The following CUBN variants were observed in gnomAD, a reference collection of about 807,000 sequenced individuals.
CUBN encodes the protein 460 kDa receptor.
A neutral mutation model predicts 405.3 loss-of-function variants in CUBN; 282 were observed. That is an observed-to-expected ratio of 0.70 (90% CI 0.63 to 0.77). The LOEUF is 0.77. Ranked by LOEUF, CUBN falls within the 30% of genes least tolerant of loss-of-function variation. The pLI, the probability that CUBN is intolerant of heterozygous loss-of-function variation, is 0.00. For synonymous variants in CUBN, 1,684 were observed against 1,617.0 expected, an observed-to-expected ratio of 1.04 and a Z score of -0.99; for missense variants, 4,514 against 4,475.2, an observed-to-expected ratio of 1.01 and a Z score of -0.25.
intron 50 of CUBN, among the ~76,000 whole-genome samples, chr10:16,905,640 A>G (rs889416189): frequency 6.6e-6 from 1 of 152,178 alleles, no homozygotes; most frequent in Non-Finnish European, 1.5e-5. Flanking sequence ...CGGGAAACGA[A>G]GTGACTGTAA....
chr10:16,947,142 C>T (rs910405479), intron 36 of CUBN, 93 bp downstream of exon 36: 33 of 1,326,204 alleles, frequency 2.5e-5, no homozygotes, highest in Middle Eastern at 4.0e-4. Flanking sequence ...CTAAATTTCA[C>T]GTACACTATG....
chr10:16,898,566 C>T (rs1265225890), intron 54 of CUBN, among the ~76,000 whole-genome samples: 1 of 152,156 alleles, frequency 6.6e-6, no homozygotes, highest in African/African-American at 2.4e-5. Flanking sequence ...AAGTGACAAG[C>T]CACTGCCACA....
intron 28 of CUBN, among the ~76,000 whole-genome samples, chr10:17,002,337 G>A (rs1277339304): frequency 2.0e-5 from 3 of 152,144 alleles, no homozygotes; most frequent in African/African-American, 4.8e-5. Context: ...ATTGTTGCCA[G>A]GGAACCAGAA....
At position 16,940,046 on chromosome 10, in the gene CUBN, GC is replaced by G. The variant is rs1842610032; in HGVS notation, c.5533del (p.Ala1845ProfsTer4). On this transcript the variant is annotated frameshift_variant, in exon 37 of 67. Transcript: ENST00000377833. LOFTEE classifies it high-confidence loss of function. The part of the protein sequence containing the change: ...DGSGSGTGFQ[A>X]TFMKIFGNDN... ...AAACAACTTACTCTTCATAAATGTGGCCTGGAAGCCCGTGCCGCTGCCAGAA... is the reference window on the plus strand; with the variant it reads ...AAACAACTTACTCTTCATAAATGTGGCTGGAAGCCCGTGCCGCTGCCAGAA... The G allele has an allele frequency of 6.2e-7, 1 of 1,613,436 alleles. No homozygotes were observed. The highest frequency in any genetic ancestry group is 1.3e-5 in the African/African-American group (1 of 74,896).
intron 58 of CUBN, among the ~76,000 whole-genome samples, chr10:16,871,213 TA>T (rs899284824): frequency 6.6e-6 from 1 of 151,522 alleles, no homozygotes; most frequent in Non-Finnish European, 1.5e-5. Context: ...ATTACATGTA[TA>T]TTTTTTAGTA....
At chr10:17,045,643 C>T (rs1835115909) in intron 24 of CUBN, among the ~76,000 whole-genome samples, 1 of 152,054 alleles carries the variant, frequency 6.6e-6, no homozygotes, top group South Asian at 2.1e-4. Flanking sequence ...CCTCGGCCTC[C>T]CAAAGTGTTT....
At chr10:17,085,203 C>A (rs1018597968) in intron 16 of CUBN, among the ~76,000 whole-genome samples, 1 of 152,160 alleles carries the variant, frequency 6.6e-6, no homozygotes, top group African/African-American at 2.4e-5. Context: ...CACTGTGATG[C>A]TGGAAGCCAG....
intron 29 of CUBN, among the ~76,000 whole-genome samples, chr10:16,984,756 A>C (rs1366493577): frequency 6.6e-6 from 1 of 152,242 alleles, no homozygotes; most frequent in Non-Finnish European, 1.5e-5. Flanking sequence ...AGTTGAGTTC[A>C]CTGAAGGCTA....
At chr10:16,940,001 G>A in intron 37 of CUBN, 31 bp downstream of exon 37, 1 of 1,525,168 alleles carries the variant, frequency 6.6e-7, no homozygotes, top group Non-Finnish European at 9.1e-7. Flanking sequence ...GACATATTCT[G>A]GAAGCTATCA....
chr10:16,932,568 A>T (rs1356794484), intron 40 of CUBN, among the ~76,000 whole-genome samples: 1 of 152,216 alleles, frequency 6.6e-6, no homozygotes, highest in Non-Finnish European at 1.5e-5. Flanking sequence ...ACAAAGAGAA[A>T]TGAATACATT....
Position 16,851,394 on chromosome 10 carries a change from A to G in CUBN, c.9504T>C (p.Phe3168=), listed in dbSNP as rs1033437435. ...GGYLTGSNNT[F]ASPDSDSNGM... Reference sequence around the variant, plus strand: ...CATTCGAATCAGAATCAGGAGAGGCAAAGGTATTATTCGAGCCTGTCAGAT... The same window carrying G: ...CATTCGAATCAGAATCAGGAGAGGCGAAGGTATTATTCGAGCCTGTCAGAT... Residue 3168 remains phenylalanine, a synonymous_variant, in exon 60 of 67, where the codon TTT becomes TTC. Transcript: ENST00000377833. The G allele has an allele frequency of 1.2e-6, 2 of 1,614,142 alleles. No individual in the cohort carries two copies. The highest frequency in any genetic ancestry group is 4.5e-5 in the East Asian group (2 of 44,884).
At position 17,044,902 on chromosome 10, in the gene CUBN, C is replaced by T. The variant is rs764388770; in HGVS notation, c.3672+105G>A. 173 of 1,142,582 alleles carry T rather than the reference C, an allele frequency of 1.5e-4. 1 individual carries two copies. The highest frequency in any genetic ancestry group is 7.9e-4 in the Middle Eastern group (4 of 5,072). The allele number at this position is 1,142,582 out of a possible 1,614,324, so 70.8% of individuals were successfully genotyped here. On this transcript the variant is annotated intron_variant, in intron 25 of 66. Transcript: ENST00000377833. ...TTGTTTGAATTTTTATATGGATGTT[C>T]GGTTTAGATGCTCCCCTTTCCTGAA...
At chr10:16,924,590 A>C (rs1291637304) in intron 43 of CUBN, among the ~76,000 whole-genome samples, 1 of 152,140 alleles carries the variant, frequency 6.6e-6, no homozygotes, top group East Asian at 1.9e-4. Context: ...GGACAAAGGA[A>C]AAATTTATTA....
chr10:17,128,363 T>TCCATA (rs1837247026), intron 2 of CUBN, among the ~76,000 whole-genome samples: 1 of 152,186 alleles, frequency 6.6e-6, no homozygotes, highest in Non-Finnish European at 1.5e-5. Context: ...TGAGATAACA[T>TCCATA]CCATACGGTG....
intron 17 of CUBN, among the ~76,000 whole-genome samples, chr10:17,078,799 T>C (rs1329326486): frequency 6.6e-6 from 1 of 152,174 alleles, no homozygotes; most frequent in Non-Finnish European, 1.5e-5. Context: ...CCATGCAATA[T>C]TGTTTCCATT....
intron 57 of CUBN, among the ~76,000 whole-genome samples, chr10:16,875,190 C>A (rs1840463949): frequency 1.3e-5 from 2 of 151,972 alleles, no homozygotes; most frequent in South Asian, 4.1e-4. Flanking sequence ...CAGCAATTAA[C>A]AGCTCAGAGC....
chr10:16,986,613 C>T (rs534007844), intron 29 of CUBN, among the ~76,000 whole-genome samples: 1 of 152,214 alleles, frequency 6.6e-6, no homozygotes, highest in African/African-American at 2.4e-5. Context: ...TTGTGCACTC[C>T]CCCCAAGTCC....
intron 54 of CUBN, among the ~76,000 whole-genome samples, chr10:16,898,173 T>C (rs1243503985): frequency 2.6e-5 from 4 of 151,742 alleles, no homozygotes; most frequent in Non-Finnish European, 2.9e-5. Context: ...TAGGAAGTAA[T>C]AACACTGACA....
intron 36 of CUBN, 55 bp downstream of exon 36, chr10:16,947,180 T>C: frequency 6.3e-7 from 1 of 1,592,396 alleles, no homozygotes. Flanking sequence ...GCACCAGAAC[T>C]TCTTTCCTAC....
Sources: allele counts gnomAD v4.1 joint callset (sites outside exome capture counted in the v4.1 genomes callset), GRCh38; gene constraint gnomAD v4.1.1; transcripts MANE v1.5; gene names NCBI Gene and HGNC (gene_info 2026-07-23, HGNC 2026-07-21).